Variants in COG6 observed in about 807,000 individuals in gnomAD.
The protein encoded by COG6 is conserved oligomeric Golgi complex subunit 6.
In COG6, 74 loss-of-function variants were observed where a neutral mutation model predicts 88.8. The observed-to-expected ratio is 0.83, with a 90% CI of 0.69 to 1.01. The LOEUF (loss-of-function observed/expected upper bound fraction) is 1.01. Ranked by LOEUF, COG6 falls within the 50% of genes least tolerant of loss-of-function variation. COG6 has a pLI of 0.00. For missense variants in COG6, 800 were observed against 797.9 expected (o/e 1.00, Z -0.03); for synonymous variants, 286 against 278.7 (o/e 1.03, Z -0.26).
intron 11 of COG6, 131 bp from the exon 12 acceptor site, chr13:39,694,503 T>G (rs1430224418): frequency 1.7e-6 from 1 of 574,934 alleles, no homozygotes; most frequent in African/African-American, 1.9e-5. Context: ...TCAGAAATTA[T>G]TTAGGAGGCA....
chr13:39,790,540 TCATTA>T (rs1881909510), exon 19 of COG6: 1 of 152,118 alleles, frequency 6.6e-6, no homozygotes, highest in African/African-American at 2.4e-5. Context: ...CTGTTCTTCC[TCATTA>T]CTTTTCTATT....
At chr13:39,656,174 T>C (rs1285030577) in intron 1 of COG6, 1 of 567,264 alleles carries the variant, frequency 1.8e-6, no homozygotes, top group South Asian at 1.5e-5. Context: ...AGAAGTGTCC[T>C]CCAAACACCC....
chr13:39,751,931 T>C lies in COG6; in HGVS notation c.*838T>C. 2 of 1,226,474 alleles carry C rather than the reference T, an allele frequency of 1.6e-6. No individual in the cohort carries two copies. Among genetic ancestry groups the C allele is most frequent in the South Asian group, 2.5e-5 (2 of 79,696 alleles). 76.0% of individuals were successfully genotyped at this position (1,226,474 alleles called of 1,614,324 possible). ...AATATGGGTCCTAAATCCAACCAACTACACATTTTATCTGGTGTTCAAACC... is the reference window on the plus strand; with the variant it reads ...AATATGGGTCCTAAATCCAACCAACCACACATTTTATCTGGTGTTCAAACC... On this transcript the variant is annotated 3_prime_UTR_variant, in exon 19 of 19. Transcript: ENST00000455146.
chr13:39,725,547 T>C (rs775942016), intron 17 of COG6, among the ~76,000 whole-genome samples: 3 of 151,874 alleles, frequency 2.0e-5, no homozygotes, highest in African/African-American at 7.2e-5. Context: ...GCTCATAAGA[T>C]ACCTAACAAA....
In COG6 at chr13:39,717,721, G is replaced by A. The variant is rs745762589; in HGVS notation, c.1285-1515G>A. On this transcript the variant is annotated intron_variant, in intron 13 of 18. Transcript: ENST00000455146. ...CATCTCTACAAAAAAGAAAATTAGCGAGGCTTGGTGGCATGTGCCTGTAGT... is the reference window on the plus strand; with the variant it reads ...CATCTCTACAAAAAAGAAAATTAGCAAGGCTTGGTGGCATGTGCCTGTAGT... Among the ~76,000 whole-genome samples, 21 of 151,902 alleles carry A rather than the reference G, an allele frequency of 1.4e-4. No homozygotes were observed. The East Asian group carries it at 1.5e-3, about 11-fold the overall frequency.
At chr13:39,683,741 A>G (rs1421147118) in intron 8 of COG6, among the ~76,000 whole-genome samples, 2 of 89,620 alleles carry the variant, frequency 2.2e-5, no homozygotes, top group Admixed American at 3.1e-4. Flanking sequence ...TTAATCTTTT[A>G]TGTATTAAAA....
At chr13:39,761,414 T>A (rs1400285983) in intron 18 of COG6, among the ~76,000 whole-genome samples, 7 of 151,970 alleles carry the variant, frequency 4.6e-5, no homozygotes, top group Non-Finnish European at 8.8e-5. Context: ...ATGTAAGACC[T>A]GAAAGTATGA....
intron 11 of COG6, among the ~76,000 whole-genome samples, chr13:39,691,220 C>A (rs1182284114): frequency 1.3e-5 from 2 of 151,678 alleles, no homozygotes; most frequent in Non-Finnish European, 3.0e-5. Flanking sequence ...AGTTTCCTGT[C>A]CTGGTTTGAG....
intron 5 of COG6, chr13:39,679,231 T>C (rs1477603915): frequency 2.9e-6 from 1 of 341,316 alleles, no homozygotes; most frequent in African/African-American, 2.1e-5. Flanking sequence ...TAGTTTTGCA[T>C]TTCTCACTAG....
At chr13:39,701,415 T>C (rs1036538214) in intron 13 of COG6, among the ~76,000 whole-genome samples, 1 of 151,838 alleles carries the variant, frequency 6.6e-6, no homozygotes, top group South Asian at 2.1e-4. Flanking sequence ...ATAGTTGAAT[T>C]CATGGGTTTG....
chr13:39,726,191 T>A (rs9603603), intron 17 of COG6, among the ~76,000 whole-genome samples: 3 of 151,710 alleles, frequency 2.0e-5, no homozygotes, highest in Admixed American at 6.6e-5. Context: ...AAACTAACTC[T>A]GCACATTCCA....
chr13:39,669,160 C>A (rs1386768805), intron 4 of COG6, among the ~76,000 whole-genome samples: 1 of 152,198 alleles, frequency 6.6e-6, no homozygotes, highest in Admixed American at 6.5e-5. Context: ...TGTTAAATTT[C>A]TTTATCAGAA....
chr13:39,759,305 TG>T (rs1880942837), intron 18 of COG6, among the ~76,000 whole-genome samples: 2 of 152,214 alleles, frequency 1.3e-5, no homozygotes. Context: ...TTTGTGTTTT[TG>T]TGATCTGATG....
At chr13:39,709,841 A>G (rs989817678) in intron 13 of COG6, among the ~76,000 whole-genome samples, 3 of 152,094 alleles carry the variant, frequency 2.0e-5, no homozygotes, top group African/African-American at 4.8e-5. Context: ...GCATATTTTC[A>G]TGTGGATATA....
intron 10 of COG6, among the ~76,000 whole-genome samples, chr13:39,689,026 A>G (rs1876828274): frequency 6.6e-6 from 1 of 152,198 alleles, no homozygotes; most frequent in African/African-American, 2.4e-5. Flanking sequence ...TAGACTCAGC[A>G]TATATGTTAG....
intron 13 of COG6, among the ~76,000 whole-genome samples, chr13:39,700,035 AGTT>A (rs1566185559): frequency 1.3e-5 from 2 of 151,858 alleles, no homozygotes; most frequent in Non-Finnish European, 2.9e-5. Context: ...TGCTCCTCTG[AGTT>A]ATATAATTAT....
chr13:39,673,269 AT>A (rs1446426477), intron 4 of COG6, among the ~76,000 whole-genome samples: 2 of 151,794 alleles, frequency 1.3e-5, no homozygotes, highest in African/African-American at 2.4e-5. Context: ...TATGTGCTTT[AT>A]TTTTCAATGT....
At chr13:39,686,036 A>G (rs1876617473) in intron 8 of COG6, among the ~76,000 whole-genome samples, 1 of 152,218 alleles carries the variant, frequency 6.6e-6, no homozygotes, top group Admixed American at 6.5e-5. Context: ...TGATTTGGAA[A>G]TAAACCGTCT....
intron 11 of COG6, among the ~76,000 whole-genome samples, chr13:39,694,125 A>G (rs886838664): frequency 4.6e-5 from 7 of 151,870 alleles, no homozygotes; most frequent in African/African-American, 1.4e-4. Flanking sequence ...TTTCCCTGGT[A>G]GTCTTATAAT....
Sources: gnomAD v4.1 joint callset for allele counts (sites outside exome capture counted in the v4.1 genomes callset) on GRCh38, gnomAD v4.1.1 for gene constraint, MANE v1.5 for transcripts, NCBI Gene and HGNC (gene_info 2026-07-23, HGNC 2026-07-21) for gene names.